The following TOX variants were observed in gnomAD, a reference collection of about 807,000 sequenced individuals.
The protein encoded by TOX is thymocyte selection associated high mobility group box, also known as thymocyte selection-associated high mobility group box protein TOX.
Under a neutral mutation model 53.7 loss-of-function variants are expected in TOX, and 11 were observed. The observed-to-expected ratio is 0.20, with a 90% CI of 0.13 to 0.34. TOX has a LOEUF of 0.34. TOX is among the 10% of genes least tolerant of loss of function. The probability of loss-of-function intolerance (pLI) is 1.00; values close to 1 mark genes in which losing one functional copy is unlikely to be tolerated. For missense variants in TOX, 570 were observed against 664.6 expected (o/e 0.86, Z 1.56); for synonymous variants, 225 against 245.3 (o/e 0.92, Z 0.77).
intron 1 of TOX, among the ~76,000 whole-genome samples, chr8:59,026,848 A>G (rs952149992): frequency 1.3e-5 from 2 of 151,628 alleles, no homozygotes; most frequent in Admixed American, 6.6e-5. Context: ...TCATAAGAGC[A>G]TGAGACAATT....
At chr8:58,865,614 G>A (rs1811083431) in intron 3 of TOX, among the ~76,000 whole-genome samples, 2 of 151,950 alleles carry the variant, frequency 1.3e-5, no homozygotes, top group Admixed American at 6.6e-5. Flanking sequence ...ATTGTATGCT[G>A]CTCTGTGGAC....
chr8:58,824,706 T>C (rs1405992878), intron 6 of TOX, among the ~76,000 whole-genome samples: 1 of 152,204 alleles, frequency 6.6e-6, no homozygotes, highest in African/African-American at 2.4e-5. Flanking sequence ...TCTCAATCAT[T>C]TATTAGTTTA....
At chr8:58,972,065 A>G (rs541488007) in intron 1 of TOX, among the ~76,000 whole-genome samples, 12 of 152,342 alleles carry the variant, frequency 7.9e-5, no homozygotes, top group Non-Finnish European at 1.8e-4. Context: ...AGTAATGAAA[A>G]GGACAAAAGA....
intron 3 of TOX, among the ~76,000 whole-genome samples, chr8:58,915,156 G>A (rs1811988834): frequency 6.6e-6 from 1 of 151,690 alleles, no homozygotes; most frequent in Admixed American, 6.6e-5. Flanking sequence ...GGCTTGCTTA[G>A]GTAAACAAAG....
chr8:58,912,077 A>G (rs1811918952), intron 3 of TOX, among the ~76,000 whole-genome samples: 1 of 152,244 alleles, frequency 6.6e-6, no homozygotes, highest in Non-Finnish European at 1.5e-5. Context: ...TTGGTGTTTC[A>G]GAGAGTACCA....
chr8:59,089,941 TG>T (rs1665516238), intron 1 of TOX, among the ~76,000 whole-genome samples: 1 of 152,240 alleles, frequency 6.6e-6, no homozygotes, highest in African/African-American at 2.4e-5. Flanking sequence ...TAAGGCTTTA[TG>T]GCCAGCATTC....
chr8:59,054,346 T>A (rs1803846154), intron 1 of TOX, among the ~76,000 whole-genome samples: 1 of 152,176 alleles, frequency 6.6e-6, no homozygotes, highest in Non-Finnish European at 1.5e-5. Flanking sequence ...AGAAAACATT[T>A]TCAACTACCT....
intron 1 of TOX, among the ~76,000 whole-genome samples, chr8:58,987,514 G>A (rs944210956): frequency 6.6e-6 from 1 of 152,282 alleles, no homozygotes; most frequent in South Asian, 2.1e-4. Context: ...ATTATAAACC[G>A]ATGAAGAGTG....
chr8:59,037,022 C>T (rs185815144), intron 1 of TOX, among the ~76,000 whole-genome samples: 1 of 152,164 alleles, frequency 6.6e-6, no homozygotes, highest in African/African-American at 2.4e-5. Context: ...TCAAGAGCTG[C>T]TCATAGTTTG....
In TOX at chr8:58,821,321, A is replaced by T. The variant is rs574735048; in HGVS notation, c.1005+5501T>A. Among the ~76,000 whole-genome samples the T allele has an allele frequency of 6.6e-5, 10 of 152,168 alleles. No homozygotes were observed. The East Asian group carries it at 1.9e-3, about 29-fold the overall frequency. On this transcript the variant is annotated intron_variant, in intron 6 of 8. Transcript: ENST00000361421. ...CCCCCTCCTTTCTATACCTACTAATACTAAAAATAAAATTAATAATAATAC... is the reference window on the plus strand; with the variant it reads ...CCCCCTCCTTTCTATACCTACTAATTCTAAAAATAAAATTAATAATAATAC...
intron 3 of TOX, among the ~76,000 whole-genome samples, chr8:58,927,886 G>A (rs1351071304): frequency 6.6e-6 from 1 of 152,122 alleles, no homozygotes; most frequent in African/African-American, 2.4e-5. Flanking sequence ...CATGTGGATA[G>A]TGAAGGGCCT....
At chr8:58,822,561 G>A (rs1486347619) in intron 6 of TOX, among the ~76,000 whole-genome samples, 1 of 152,206 alleles carries the variant, frequency 6.6e-6, no homozygotes, top group Non-Finnish European at 1.5e-5. Context: ...AGCTGGAATA[G>A]CATGGCAGAA....
At chr8:58,828,086 T>C (rs1232895430) in intron 5 of TOX, among the ~76,000 whole-genome samples, 2 of 152,222 alleles carry the variant, frequency 1.3e-5, no homozygotes, top group Non-Finnish European at 2.9e-5. Context: ...TAGTTAAATA[T>C]AAATTATGTC....
At chr8:59,085,065 C>T (rs1271107330) in intron 1 of TOX, among the ~76,000 whole-genome samples, 1 of 152,114 alleles carries the variant, frequency 6.6e-6, no homozygotes, top group Non-Finnish European at 1.5e-5. Flanking sequence ...TAGAAATGGG[C>T]CCCTGCAGGT....
At chr8:58,933,157 G>C (rs896256454) in intron 3 of TOX, among the ~76,000 whole-genome samples, 2 of 152,100 alleles carry the variant, frequency 1.3e-5, no homozygotes, top group Non-Finnish European at 2.9e-5. Flanking sequence ...AACTTTGCAC[G>C]GTTTTTCTTT....
intron 1 of TOX, among the ~76,000 whole-genome samples, chr8:58,960,394 C>T (rs981769663): frequency 3.3e-5 from 5 of 152,136 alleles, no homozygotes; most frequent in Non-Finnish European, 7.4e-5. Flanking sequence ...AAAAGAATAA[C>T]GAAAAATACA....
intron 3 of TOX, among the ~76,000 whole-genome samples, chr8:58,914,855 C>T (rs1171046830): frequency 6.6e-6 from 1 of 151,678 alleles, no homozygotes; most frequent in Non-Finnish European, 1.5e-5. Flanking sequence ...GCACCGTGCG[C>T]GAGCCGAAGC....
At chr8:59,082,488 T>A (rs1804427466) in intron 1 of TOX, among the ~76,000 whole-genome samples, 1 of 152,258 alleles carries the variant, frequency 6.6e-6, no homozygotes. Flanking sequence ...TTTATGGATA[T>A]GAATTTTAAT....
At position 58,856,499 on chromosome 8, in the gene TOX, G is replaced by A. The variant is rs559494215; in HGVS notation, c.412-4694C>T. ...AGTCTGATGATTTTTCTTTTTTCCTGGGAACTTCTTAGTCACAAGATGAAA... is the reference window on the plus strand; with the variant it reads ...AGTCTGATGATTTTTCTTTTTTCCTAGGAACTTCTTAGTCACAAGATGAAA... On this transcript the variant is annotated intron_variant, in intron 3 of 8. Transcript: ENST00000361421. Among the ~76,000 whole-genome samples the A allele has an allele frequency of 2.9e-3, 436 of 152,134 alleles. 1 individual carries two copies. Among genetic ancestry groups the A allele is most frequent in the African/African-American group, 0.01 (421 of 41,504 alleles).
Sources: allele counts gnomAD v4.1 joint callset (sites outside exome capture counted in the v4.1 genomes callset), GRCh38; gene constraint gnomAD v4.1.1; transcripts MANE v1.5; gene names NCBI Gene and HGNC (gene_info 2026-07-23, HGNC 2026-07-21).